SPOCK3: variants seen among roughly 807,000 people sequenced by gnomAD.
SPOCK3 encodes the protein testican-3.
SPOCK3 carries 30 observed loss-of-function variants against 56.6 expected under a neutral mutation model. That is an observed-to-expected ratio of 0.53 (90% confidence interval 0.40 to 0.72). The LOEUF is 0.72. Among genes scored for constraint, SPOCK3 ranks in the 30% least tolerant of loss-of-function variants. SPOCK3 has a pLI of 0.00. For missense variants in SPOCK3, 527 were observed against 530.0 expected (o/e 0.99, Z 0.06); for synonymous variants, 196 against 183.3 (o/e 1.07, Z -0.56).
intron 7 of SPOCK3, among the ~76,000 whole-genome samples, chr4:166,778,574 T>C (rs976906329): frequency 6.6e-6 from 1 of 152,172 alleles, no homozygotes; most frequent in African/African-American, 2.4e-5. Flanking sequence ...CAATACACAC[T>C]ACTAGGCCTT....
intron 4 of SPOCK3, among the ~76,000 whole-genome samples, chr4:166,925,310 G>A (rs902075517): frequency 1.3e-5 from 2 of 152,028 alleles, no homozygotes; most frequent in African/African-American, 4.8e-5. Context: ...TAAAAAGACT[G>A]TCAGCAAGAT....
At chr4:166,971,975 C>T (rs942559479) in intron 4 of SPOCK3, among the ~76,000 whole-genome samples, 1 of 152,104 alleles carries the variant, frequency 6.6e-6, no homozygotes, top group South Asian at 2.1e-4. Context: ...TTCCTGCTGG[C>T]TCATGAGATG....
chr4:167,088,987 C>T (rs1758466823), intron 2 of SPOCK3, among the ~76,000 whole-genome samples: 1 of 151,952 alleles, frequency 6.6e-6, no homozygotes, highest in Non-Finnish European at 1.5e-5. Context: ...TGTCAAAAAC[C>T]AAGCTTATTT....
In SPOCK3 at chr4:166,912,681, T is replaced by A. The variant is rs1356950972; in HGVS notation, c.413A>T (p.Gln138Leu). The A allele has an allele frequency of 1.2e-6, 2 of 1,613,522 alleles. No homozygotes were observed. The highest frequency in any genetic ancestry group is 1.7e-6 in the Non-Finnish European group (2 of 1,179,758). ...AGGGCTGGGATAGACCACTGGGCAC[T>A]GCTTGCAGGTGGATAATATGGGACC... is the stretch of plus-strand genomic sequence containing the variant. ...WRGPILSTCK[Q>L]CPVVYPSPVC... The change falls in exon 5 of 11, where the codon CAG (glutamine) becomes CTG (leucine). Residue 138 changes from glutamine (Q) to leucine (L), a missense_variant. Transcript: ENST00000357545.
At chr4:166,863,737 A>T (rs1406944841) in intron 6 of SPOCK3, among the ~76,000 whole-genome samples, 1 of 152,156 alleles carries the variant, frequency 6.6e-6, no homozygotes, top group Admixed American at 6.6e-5. Flanking sequence ...AGAGCTAACT[A>T]TCCTAAATAT....
intron 3 of SPOCK3, among the ~76,000 whole-genome samples, chr4:167,039,933 A>G (rs1159242261): frequency 1.3e-5 from 2 of 152,048 alleles, no homozygotes; most frequent in Non-Finnish European, 2.9e-5. Context: ...TATCTCTTGG[A>G]ATTCTTTTGG....
chr4:167,092,616 T>C (rs1320903058), intron 2 of SPOCK3, among the ~76,000 whole-genome samples: 1 of 152,212 alleles, frequency 6.6e-6, no homozygotes, highest in Non-Finnish European at 1.5e-5. Context: ...ATCCGAAATA[T>C]GAATTTTAGA....
intron 6 of SPOCK3, among the ~76,000 whole-genome samples, chr4:166,886,718 G>T (rs1292300890): frequency 6.6e-6 from 1 of 152,124 alleles, no homozygotes; most frequent in Non-Finnish European, 1.5e-5. Flanking sequence ...ATATCTCATT[G>T]TTGGTAGTTT....
At chr4:167,117,439 T>C (rs1048756497) in intron 2 of SPOCK3, among the ~76,000 whole-genome samples, 2 of 152,030 alleles carry the variant, frequency 1.3e-5, no homozygotes, top group Non-Finnish European at 2.9e-5. Context: ...AGATCTGCCC[T>C]AGAGTGCACA....
At chr4:166,926,665 C>T (rs895836625) in intron 4 of SPOCK3, among the ~76,000 whole-genome samples, 1 of 152,236 alleles carries the variant, frequency 6.6e-6, no homozygotes, top group East Asian at 1.9e-4. Flanking sequence ...TACCTCTTCC[C>T]TATGACACCT....
intron 6 of SPOCK3, among the ~76,000 whole-genome samples, chr4:166,842,162 CAA>C (rs1747475285): frequency 6.6e-6 from 1 of 152,160 alleles, no homozygotes; most frequent in Non-Finnish European, 1.5e-5. Flanking sequence ...AGTGCGGACC[CAA>C]AGAGTGAGCA....
chr4:166,946,614 C>G (rs950134353), intron 4 of SPOCK3, among the ~76,000 whole-genome samples: 1 of 152,200 alleles, frequency 6.6e-6, no homozygotes, highest in African/African-American at 2.4e-5. Flanking sequence ...TGACCATCAT[C>G]CTCGTCAGCA....
At chr4:166,842,490 A>G (rs1339288246) in intron 6 of SPOCK3, among the ~76,000 whole-genome samples, 1 of 151,946 alleles carries the variant, frequency 6.6e-6, no homozygotes, top group Non-Finnish European at 1.5e-5. Flanking sequence ...CTAGACACAG[A>G]GCACTGATTG....
chr4:167,214,386 C>A (rs984246420), intron 2 of SPOCK3, among the ~76,000 whole-genome samples: 4 of 152,038 alleles, frequency 2.6e-5, no homozygotes, highest in African/African-American at 9.7e-5. Flanking sequence ...ATGCATAACA[C>A]TATAACATTA....
chr4:166,737,771 G>T (rs745728772), intron 9 of SPOCK3, among the ~76,000 whole-genome samples, 167 bp from the exon 10 acceptor site: 28 of 152,138 alleles, frequency 1.8e-4, no homozygotes, highest in Non-Finnish European at 2.8e-4. Flanking sequence ...AAGAAATCAG[G>T]GAAGTCTTTT....
intron 6 of SPOCK3, among the ~76,000 whole-genome samples, chr4:166,861,809 A>G (rs1731272814): frequency 6.6e-6 from 1 of 152,118 alleles, no homozygotes; most frequent in Non-Finnish European, 1.5e-5. Flanking sequence ...CCTACAAAGT[A>G]GAGTTTTTTG....
intron 3 of SPOCK3, among the ~76,000 whole-genome samples, chr4:167,034,596 T>C (rs762418240): frequency 1.3e-5 from 2 of 152,116 alleles, no homozygotes; most frequent in Non-Finnish European, 2.9e-5. Flanking sequence ...GTTCTGTGAT[T>C]AAAACCATAG....
chr4:167,153,578 A>T (rs573543846), intron 2 of SPOCK3, among the ~76,000 whole-genome samples: 15 of 152,214 alleles, frequency 9.9e-5, no homozygotes, highest in Non-Finnish European at 1.6e-4. Flanking sequence ...TAATGCAAAT[A>T]TAGATCATTT....
intron 4 of SPOCK3, among the ~76,000 whole-genome samples, chr4:166,979,851 C>A (rs1746382580): frequency 6.6e-6 from 1 of 152,192 alleles, no homozygotes; most frequent in Non-Finnish European, 1.5e-5. Context: ...TAACCTCCCA[C>A]CCACTTTACT....
Sources: allele counts gnomAD v4.1 joint callset (sites outside exome capture counted in the v4.1 genomes callset), GRCh38; gene constraint gnomAD v4.1.1; transcripts MANE v1.5; gene names NCBI Gene and HGNC (gene_info 2026-07-23, HGNC 2026-07-21).